RHOQ: variants seen among roughly 807,000 people sequenced by gnomAD.
The protein encoded by RHOQ is rho-related GTP-binding protein RhoQ.
A neutral mutation model predicts 25.8 loss-of-function variants in RHOQ; 7 were observed. The ratio of observed to expected loss-of-function variants is 0.27; its 90% CI spans 0.15 to 0.51. The LOEUF (loss-of-function observed/expected upper bound fraction) is 0.51, where lower values mean the gene tolerates loss of function less well. Ranked by LOEUF, RHOQ falls within the 20% of genes least tolerant of loss-of-function variation. RHOQ has a pLI of 0.97. For missense variants in RHOQ, 165 were observed against 260.6 expected (o/e 0.63, Z 2.53); for synonymous variants, 97 against 98.6 (o/e 0.98, Z 0.10).
At chr2:46,549,472 G>A (rs576258060) in intron 2 of RHOQ, among the ~76,000 whole-genome samples, 105 of 152,300 alleles carry the variant, frequency 6.9e-4, no homozygotes, top group Admixed American at 1.9e-3. Flanking sequence ...TCCAGAAAGA[G>A]CACATGTGTT....
intron 4 of RHOQ, among the ~76,000 whole-genome samples, chr2:46,579,190 T>C (rs933204891): frequency 1.3e-5 from 2 of 152,244 alleles, no homozygotes; most frequent in African/African-American, 2.4e-5. Flanking sequence ...GCGTCCTTCC[T>C]GAAACTTTCT....
At chr2:46,574,488 G>A (rs948394255) in intron 2 of RHOQ, among the ~76,000 whole-genome samples, 1 of 152,064 alleles carries the variant, frequency 6.6e-6, no homozygotes, top group African/African-American at 2.4e-5. Flanking sequence ...CTGTCTGGGG[G>A]TATAACGTGT....
chr2:46,560,367 A>G (rs1668536297), intron 2 of RHOQ, among the ~76,000 whole-genome samples: 2 of 152,350 alleles, frequency 1.3e-5, no homozygotes, highest in Admixed American at 1.3e-4. Flanking sequence ...GGAGAGGTCA[A>G]AGATAAATGC....
chr2:46,551,526 G>T (rs1384052243), intron 2 of RHOQ, among the ~76,000 whole-genome samples: 1 of 152,236 alleles, frequency 6.6e-6, no homozygotes, highest in Non-Finnish European at 1.5e-5. Context: ...TGCTATCAGT[G>T]TCAACATGTG....
rs1374669207 is a variant in RHOQ at position 46,542,589 on chromosome 2, G to A, written c.-458G>A. The A allele has an allele frequency of 1.4e-5, 2 of 146,814 alleles. No homozygotes were observed. The highest frequency in any genetic ancestry group is 2.0e-4 in the East Asian group (1 of 5,102). The allele number at this position is 146,814 out of a possible 1,614,324, so 9.1% of individuals were successfully genotyped here. A position where few individuals can be genotyped will look rare whatever the true frequency, so the allele number is the denominator to read the frequency against. On this transcript the variant is annotated 5_prime_UTR_variant, in exon 1 of 5. Coordinates refer to ENST00000238738, the MANE Select transcript of RHOQ (RefSeq NM_012249.4). ...CAGCAGGCGGGGGCGCGTGGCGCGG[G>A]CCGCGCTCGGGGAGGCGCCTGGGCC...
chr2:46,559,302 T>G (rs1191321035), intron 2 of RHOQ, among the ~76,000 whole-genome samples: 1 of 152,184 alleles, frequency 6.6e-6, no homozygotes, highest in Non-Finnish European at 1.5e-5. Context: ...GTCTAGTTTG[T>G]TTTTTGATGG....
At position 46,560,538 on chromosome 2, in the gene RHOQ, C is replaced by T. The variant is rs143149924; in HGVS notation, c.202-15549C>T. 3.3e-4 allele frequency: 151 copies of T among 455,604 alleles called. 1 individual carries two copies. The highest frequency in any genetic ancestry group is 2.9e-3 in the East Asian group (42 of 14,382). The allele number at this position is 455,604 out of a possible 1,614,324, so 28.2% of individuals were successfully genotyped here. On this transcript the variant is annotated intron_variant, in intron 2 of 4. Coordinates refer to ENST00000238738, the MANE Select transcript of RHOQ (RefSeq NM_012249.4). ...TTGGCATACAGGCTTTGCAGCAAAG[C>T]GAGTTGGATTTCTGGGAGGAGATTT...
chr2:46,571,446 A>G (rs1030328521), intron 2 of RHOQ, among the ~76,000 whole-genome samples: 1 of 152,216 alleles, frequency 6.6e-6, no homozygotes, highest in Non-Finnish European at 1.5e-5. Flanking sequence ...TATTTTTAAC[A>G]TATAGATACT....
intron 2 of RHOQ, among the ~76,000 whole-genome samples, chr2:46,572,100 A>AGT (rs71397004): frequency 0.11 from 10,671 of 100,584 alleles, 1,998 homozygotes; most frequent in Middle Eastern, 0.17. Flanking sequence ...TCAGGTGGTA[A>AGT]GTGTGTGTTT....
At chr2:46,546,542 T>C in intron 2 of RHOQ, among the ~76,000 whole-genome samples, 1 of 111,180 alleles carries the variant, frequency 9.0e-6, no homozygotes, top group Admixed American at 1.1e-4. Context: ...ACACAAATCC[T>C]TAAGCCTAGT....
chr2:46,543,284 C>A (rs1221416194), intron 1 of RHOQ, 96 bp downstream of exon 1: 10 of 1,366,630 alleles, frequency 7.3e-6, no homozygotes, highest in Non-Finnish European at 8.2e-6. Context: ...CCAGAGCGCA[C>A]TCCTCTCCCC....
chr2:46,546,147 C>T (rs989425314), intron 2 of RHOQ, among the ~76,000 whole-genome samples: 2 of 151,708 alleles, frequency 1.3e-5, no homozygotes, highest in Admixed American at 6.6e-5. Flanking sequence ...ATGGCAAGTG[C>T]CTGCTGTGTA....
intron 2 of RHOQ, among the ~76,000 whole-genome samples, chr2:46,565,849 G>A (rs1214580070): frequency 1.3e-5 from 2 of 152,250 alleles, no homozygotes; most frequent in African/African-American, 4.8e-5. Context: ...ATGCAGATCA[G>A]AAGAGGCAAT....
intron 2 of RHOQ, among the ~76,000 whole-genome samples, chr2:46,550,355 C>A (rs1451562164): frequency 6.6e-5 from 10 of 152,170 alleles, no homozygotes; most frequent in Admixed American, 3.3e-4. Flanking sequence ...ACCCCTTTTC[C>A]AGGAAAGCTT....
At chr2:46,547,564 C>G (rs1668111425) in intron 2 of RHOQ, among the ~76,000 whole-genome samples, 1 of 152,238 alleles carries the variant, frequency 6.6e-6, no homozygotes, top group Admixed American at 6.5e-5. Flanking sequence ...GTTGGCCAAG[C>G]CCATGGGTGG....
chr2:46,570,826 G>C (rs1281300932), intron 2 of RHOQ, among the ~76,000 whole-genome samples: 1 of 152,138 alleles, frequency 6.6e-6, no homozygotes, highest in Non-Finnish European at 1.5e-5. Flanking sequence ...GGGAAGGCTG[G>C]GGCTTATCTG....
In RHOQ at chr2:46,569,495, T is replaced by C. The variant is rs1421896195; in HGVS notation, c.202-6592T>C. ...AGTTCGTCACAACACAGTTAGATAA[T>C]GACAAGGCCAGTCCTCTAGCTGGTT... is the stretch of plus-strand genomic sequence containing the variant. On this transcript the variant is annotated intron_variant, in intron 2 of 4. Transcript: ENST00000238738. This position sits in a 1 kb window ranked among gnomAD's most constrained non-coding sequence, Gnocchi z 4.1. 1 of 152,158 alleles carries C rather than the reference T, an allele frequency of 6.6e-6. No individual in the cohort carries two copies. The highest frequency in any genetic ancestry group is 1.5e-5 in the Non-Finnish European group (1 of 68,034). The allele number at this position is 152,158 out of a possible 1,614,324, so 9.4% of individuals were successfully genotyped here.
chr2:46,551,167 G>C (rs1441495378), intron 2 of RHOQ, among the ~76,000 whole-genome samples: 1 of 152,198 alleles, frequency 6.6e-6, no homozygotes, highest in Non-Finnish European at 1.5e-5. Flanking sequence ...GTACCTCCTT[G>C]TGGGGTTGTT....
chr2:46,564,734 ATG>A (rs1442457761), intron 2 of RHOQ, among the ~76,000 whole-genome samples: 2 of 152,228 alleles, frequency 1.3e-5, no homozygotes, highest in Admixed American at 6.5e-5. Flanking sequence ...TATTAAAAGG[ATG>A]TGTGTAAGTA....
Sources: allele counts gnomAD v4.1 joint callset (sites outside exome capture counted in the v4.1 genomes callset), GRCh38; gene constraint gnomAD v4.1.1; non-coding constraint Gnocchi (gnomAD v3.1); transcripts MANE v1.5; gene names NCBI Gene and HGNC (gene_info 2026-07-23, HGNC 2026-07-21).